CHDH: variants seen among roughly 807,000 people sequenced by gnomAD.
The protein encoded by CHDH is choline dehydrogenase, mitochondrial.
In CHDH, 43 loss-of-function variants were observed where a neutral mutation model predicts 56.9. That is an observed-to-expected ratio of 0.76 (90% CI 0.59 to 0.97). CHDH has a LOEUF of 0.97. Among genes scored for constraint, CHDH ranks in the 50% least tolerant of loss-of-function variants. The probability of loss-of-function intolerance (pLI) is 0.00; values close to 1 mark genes in which losing one functional copy is unlikely to be tolerated. For synonymous variants in CHDH, 364 were observed against 348.5 expected (o/e 1.04, Z -0.50); for missense variants, 816 against 821.1 (o/e 0.99, Z 0.08).
In CHDH at chr3:53,819,516, T is replaced by C. The variant is rs780690887; in HGVS notation, c.1263+16A>G. The C allele has an allele frequency of 8.8e-6, 14 of 1,596,020 alleles. No homozygotes were observed. The highest frequency in any genetic ancestry group is 1.7e-5 in the Admixed American group (1 of 57,310). ...AGGAGACATCCTGGGAAGCCGAGGC[T>C]CTTCCACCTGCTCACCTGGTAAGCC... On this transcript the variant is annotated intron_variant, in intron 7 of 8. Coordinates refer to ENST00000315251, the MANE Select transcript of CHDH (RefSeq NM_018397.5). This position sits in a 1 kb window ranked among gnomAD's most constrained non-coding sequence, Gnocchi z 5.4.
At chr3:53,842,270 T>G (rs1374758448) in intron 1 of CHDH, among the ~76,000 whole-genome samples, 1 of 152,158 alleles carries the variant, frequency 6.6e-6, no homozygotes, top group Non-Finnish European at 1.5e-5. Context: ...CTCCATAAAG[T>G]GTGGAATGTG....
intron 4 of CHDH, 72 bp downstream of exon 4, chr3:53,822,419 C>A (rs2095628856): frequency 6.2e-6 from 9 of 1,442,284 alleles, no homozygotes; most frequent in Non-Finnish European, 8.6e-6. Flanking sequence ...GTGACTCCTG[C>A]CCACTCTGAG....
At chr3:53,828,409 A>G (rs1698224014) in intron 2 of CHDH, among the ~76,000 whole-genome samples, 1 of 152,230 alleles carries the variant, frequency 6.6e-6, no homozygotes, top group African/African-American at 2.4e-5. Flanking sequence ...CTGGACTTCA[A>G]TCAAATGTGA....
At chr3:53,835,132 A>G (rs777284805) in intron 2 of CHDH, among the ~76,000 whole-genome samples, 4 of 152,234 alleles carry the variant, frequency 2.6e-5, no homozygotes, top group Non-Finnish European at 5.9e-5. Context: ...GCACAACCAT[A>G]GAAAAACAAG....
Position 53,819,593 on chromosome 3 carries a change from T to C in CHDH, c.1202A>G (p.His401Arg), listed in dbSNP as rs199841801. 6.0e-5 allele frequency: 96 copies of C among 1,611,962 alleles called. No homozygotes were observed. Among genetic ancestry groups the C allele is most frequent in the Non-Finnish European group, 8.0e-5 (94 of 1,178,998 alleles). The change falls in exon 7 of 9, where the codon CAT (histidine) becomes CGT (arginine). Residue 401 changes from histidine to arginine, a missense_variant. Physicochemically the swap from His to Arg is conservative, Grantham distance 29. Transcript: ENST00000315251. This position sits in a 1 kb window ranked among gnomAD's most constrained non-coding sequence, Gnocchi z 5.4. ...GTCAATCACTTGGGATGGCAGGAAATGGAACTGGATGTCCGGGTGGGGGAC... is the reference window on the plus strand; with the variant it reads ...GTCAATCACTTGGGATGGCAGGAAACGGAACTGGATGTCCGGGTGGGGGAC... Reference protein sequence around the residue: ...PGVPHPDIQFHFLPSQVIDHG... With the variant: ...PGVPHPDIQFRFLPSQVIDHG...
rs896136850 is a variant in CHDH, at chr3:53,816,362, A to G, written c.*1415T>C. 3 of 152,366 alleles carry G rather than the reference A, an allele frequency of 2.0e-5. No homozygotes were observed. Among genetic ancestry groups the G allele is most frequent in the African/African-American group, 7.2e-5 (3 of 41,580 alleles). The allele number at this position is 152,366 out of a possible 1,614,324, so 9.4% of individuals were successfully genotyped here. ...CAGAACAGTCTGGAGAAGGCATCTC[A>G]GTTCAAATGTGAGTGACTGGATCAC... is the stretch of plus-strand genomic sequence containing the variant. On this transcript the variant is annotated 3_prime_UTR_variant, in exon 9 of 9. Transcript: ENST00000315251.
chr3:53,821,328 C>T (rs893368), intron 5 of CHDH, among the ~76,000 whole-genome samples: 2,333 of 152,316 alleles, frequency 0.015, 74 homozygotes, highest in African/African-American at 0.053. Flanking sequence ...GGACCCCTCT[C>T]GCCATAGAGC....
At chr3:53,841,815 T>TAC (rs535947630) in intron 1 of CHDH, among the ~76,000 whole-genome samples, 117 of 151,766 alleles carry the variant, frequency 7.7e-4, no homozygotes, top group Non-Finnish European at 1.3e-3. Flanking sequence ...CTAACTATGA[T>TAC]ACACACACAC....
Position 53,846,343 on chromosome 3 carries a change from G to C in CHDH, c.-391C>G, listed in dbSNP as rs1372499188. The C allele has an allele frequency of 2.2e-6, 1 of 451,578 alleles. No individual in the cohort carries two copies. Among genetic ancestry groups the C allele is most frequent in the Non-Finnish European group, 3.9e-6 (1 of 258,720 alleles). The allele number at this position is 451,578 out of a possible 1,614,324, so 28.0% of individuals were successfully genotyped here. A position where few individuals can be genotyped will look rare whatever the true frequency, so the allele number is the denominator to read the frequency against. On this transcript the variant is annotated 5_prime_UTR_variant, in exon 1 of 9. Coordinates refer to ENST00000315251, the MANE Select transcript of CHDH (RefSeq NM_018397.5). ...CTCACTGCATGCACGTGTGCGCGGGGGTAGGCGCGCGCCGCGGCGGCCCGT... is the reference window on the plus strand; with the variant it reads ...CTCACTGCATGCACGTGTGCGCGGGCGTAGGCGCGCGCCGCGGCGGCCCGT...
intron 2 of CHDH, among the ~76,000 whole-genome samples, chr3:53,831,914 A>C (rs1576795916): frequency 6.6e-6 from 1 of 151,226 alleles, no homozygotes; most frequent in African/African-American, 2.4e-5. Context: ...AGATGGCACC[A>C]CTGCACTCCA....
intron 4 of CHDH, 128 bp downstream of exon 4, chr3:53,822,363 C>T (rs1245981638): frequency 2.3e-6 from 2 of 858,136 alleles, no homozygotes; most frequent in Admixed American, 2.5e-5. Context: ...ACTCGCCCCT[C>T]CCCCCGCCAT....
intron 2 of CHDH, among the ~76,000 whole-genome samples, chr3:53,834,606 A>G (rs1315993419): frequency 6.6e-6 from 1 of 152,266 alleles, no homozygotes; most frequent in Non-Finnish European, 1.5e-5. Flanking sequence ...GTGAAGTTGC[A>G]AAAGGATCAT....
chr3:53,831,987 T>A (rs956697016), intron 2 of CHDH, among the ~76,000 whole-genome samples: 5 of 150,616 alleles, frequency 3.3e-5, no homozygotes, highest in Admixed American at 2.0e-4. Flanking sequence ...GTAACAAGTG[T>A]TAATGAGGAT....
At chr3:53,845,558 A>C (rs911353245) in intron 1 of CHDH, among the ~76,000 whole-genome samples, 1 of 151,990 alleles carries the variant, frequency 6.6e-6, no homozygotes, top group African/African-American at 2.4e-5. Context: ...ATTTTTGTGA[A>C]CTTTCCCCCA....
rs1257619924 is a variant in CHDH at position 53,822,478 on chromosome 3, G to A, written c.855+13C>T. 8.7e-6 allele frequency: 14 copies of A among 1,600,276 alleles called. No individual in the cohort carries two copies. The highest frequency in any genetic ancestry group is 5.0e-5 in the Admixed American group (3 of 59,718). ...ACCCCCTTCTTCCAGGACCCCAGCT[G>A]CAGTCCACTCACCCTGTGGCTCTGG... On this transcript the variant is annotated intron_variant, in intron 4 of 8. Transcript: ENST00000315251.
intron 3 of CHDH, 32 bp from the exon 4 acceptor site, chr3:53,822,674 C>T: frequency 6.3e-7 from 1 of 1,591,302 alleles, no homozygotes; most frequent in Non-Finnish European, 8.5e-7. Flanking sequence ...TCAGGCATGG[C>T]TCCGCCCTCC....
At chr3:53,821,618 TC>T in intron 5 of CHDH, 28 bp downstream of exon 5, 1 of 1,604,872 alleles carries the variant, frequency 6.2e-7, no homozygotes, top group South Asian at 1.1e-5. Flanking sequence ...AGAGACAGCC[TC>T]TGGGGAGCAG....
Position 53,823,976 on chromosome 3 carries a change from A to G in CHDH, c.33T>C (p.Pro11=), listed in dbSNP as rs2106964228. 1 of 1,503,488 alleles carries G rather than the reference A, an allele frequency of 6.7e-7. No individual in the cohort carries two copies. The highest frequency in any genetic ancestry group is 8.8e-7 in the Non-Finnish European group (1 of 1,136,040). 93.1% of individuals were successfully genotyped at this position (1,503,488 alleles called of 1,614,324 possible). Residue 11 remains proline, a synonymous_variant, in exon 3 of 9, where the codon CCT becomes CCC. Coordinates refer to ENST00000315251, the MANE Select transcript of CHDH (RefSeq NM_018397.5). MWCLLRGLGR[P]GALARGALGQ... ...CCAGGGCTCCCCGTGCCAGGGCTCC[A>G]GGCCGGCCCAGGCCTCGTAGGAGAC...
At chr3:53,834,640 C>T (rs1698440354) in intron 2 of CHDH, among the ~76,000 whole-genome samples, 8 of 152,184 alleles carry the variant, frequency 5.3e-5, no homozygotes, top group Admixed American at 5.2e-4. Context: ...TGCTTACGCA[C>T]CATTCCAGGA....
Sources: gnomAD v4.1 joint callset for allele counts (sites outside exome capture counted in the v4.1 genomes callset) on GRCh38, gnomAD v4.1.1 for gene constraint, Gnocchi (gnomAD v3.1) non-coding constraint, MANE v1.5 for transcripts, NCBI Gene and HGNC (gene_info 2026-07-23, HGNC 2026-07-21) for gene names.